NR3C2: variants seen among roughly 807,000 people sequenced by gnomAD.
The protein encoded by NR3C2 is mineralocorticoid receptor.
A neutral mutation model predicts 86.4 loss-of-function variants in NR3C2; 15 were observed. That is an observed-to-expected ratio of 0.17 (90% CI 0.12 to 0.27). The LOEUF (loss-of-function observed/expected upper bound fraction) is 0.27, where lower values mean the gene tolerates loss of function less well. Among genes scored for constraint, NR3C2 ranks in the 10% least tolerant of loss-of-function variants. The pLI is 1.00. For missense variants in NR3C2, 960 were observed against 1,195.6 expected (o/e 0.80, Z 2.91); for synonymous variants, 458 against 450.5 (o/e 1.02, Z -0.21).
chr4:148,219,411 G>T (rs1449169946), intron 3 of NR3C2, among the ~76,000 whole-genome samples: 1 of 152,294 alleles, frequency 6.6e-6, no homozygotes, highest in Non-Finnish European at 1.5e-5. Context: ...AAAATTAAAT[G>T]ATCTTTCATT....
intron 2 of NR3C2, among the ~76,000 whole-genome samples, chr4:148,366,990 G>C (rs1368782767): frequency 6.6e-6 from 1 of 152,096 alleles, no homozygotes; most frequent in African/African-American, 2.4e-5. Flanking sequence ...GGTATGCTAA[G>C]CCTGTATACT....
At chr4:148,357,725 G>T (rs1406669995) in intron 2 of NR3C2, among the ~76,000 whole-genome samples, 1 of 151,892 alleles carries the variant, frequency 6.6e-6, no homozygotes, top group Non-Finnish European at 1.5e-5. Flanking sequence ...ATATTATATT[G>T]ATTTTTCTGT....
At chr4:148,294,222 T>C (rs1296384856) in intron 2 of NR3C2, among the ~76,000 whole-genome samples, 1 of 152,140 alleles carries the variant, frequency 6.6e-6, no homozygotes, top group Non-Finnish European at 1.5e-5. Flanking sequence ...ATCTGCAAAA[T>C]GGGGACAGTA....
intron 3 of NR3C2, among the ~76,000 whole-genome samples, chr4:148,259,320 ATAAG>A (rs1739981006): frequency 6.6e-6 from 1 of 152,250 alleles, no homozygotes; most frequent in Admixed American, 6.5e-5. Flanking sequence ...CTAACTGCTT[ATAAG>A]TGAGGATGGG....
chr4:148,099,766 G>A (rs1416579045), intron 8 of NR3C2, among the ~76,000 whole-genome samples: 1 of 152,158 alleles, frequency 6.6e-6, no homozygotes, highest in Non-Finnish European at 1.5e-5. Flanking sequence ...CAATAAGATA[G>A]TTTCCCAAAA....
intron 8 of NR3C2, among the ~76,000 whole-genome samples, chr4:148,084,517 C>T (rs1730722278): frequency 6.6e-6 from 1 of 152,190 alleles, no homozygotes. Flanking sequence ...CTGAAGGAAG[C>T]GCTAGACATG....
chr4:148,440,696 C>CA (rs1442986461), intron 1 of NR3C2, among the ~76,000 whole-genome samples: 1 of 152,212 alleles, frequency 6.6e-6, no homozygotes, highest in African/African-American at 2.4e-5. Context: ...CATATGCTCT[C>CA]AAACACAAAA....
intron 2 of NR3C2, among the ~76,000 whole-genome samples, chr4:148,278,718 T>C (rs560777131): frequency 4.6e-5 from 7 of 152,138 alleles, no homozygotes; most frequent in Non-Finnish European, 1.0e-4. Context: ...TTAAGAAACT[T>C]TGGTGACAAA....
intron 2 of NR3C2, among the ~76,000 whole-genome samples, chr4:148,337,553 T>C (rs1744555741): frequency 6.6e-6 from 1 of 152,224 alleles, no homozygotes. Flanking sequence ...GTTTCAAATA[T>C]ATTTAACAAT....
chr4:148,441,418 C>T lies in NR3C2; in HGVS notation c.-3+742G>A, dbSNP rs546563635. On this transcript the variant is annotated intron_variant, in intron 1 of 8. Transcript: ENST00000358102. ...CAAAATGTTAGGAAGCAATTTGGTG[C>T]CTTTAAAATTCGGCGGTTTCAAAAG... 3.9e-5 allele frequency among the ~76,000 whole-genome samples: 6 copies of T among 152,298 alleles called. No homozygotes were observed. The East Asian group carries it at 9.6e-4, about 24-fold the overall frequency.
intron 6 of NR3C2, among the ~76,000 whole-genome samples, chr4:148,128,233 G>A (rs1040383636): frequency 7.9e-5 from 12 of 152,216 alleles, no homozygotes; most frequent in Middle Eastern, 3.4e-3. Context: ...TATGTCAACC[G>A]TGTTGCCCTA....
intron 2 of NR3C2, among the ~76,000 whole-genome samples, chr4:148,318,685 T>G (rs531513904): frequency 6.6e-6 from 1 of 152,120 alleles, no homozygotes; most frequent in Non-Finnish European, 1.5e-5. Flanking sequence ...TTATGAAAAG[T>G]GTCTGTTCAT....
intron 2 of NR3C2, among the ~76,000 whole-genome samples, chr4:148,413,737 C>T (rs1748839544): frequency 1.3e-5 from 2 of 152,026 alleles, no homozygotes; most frequent in African/African-American, 2.4e-5. Flanking sequence ...CCCAATTTTC[C>T]TGTAATGAGG....
intron 2 of NR3C2, among the ~76,000 whole-genome samples, chr4:148,419,814 C>A (rs1405585911): frequency 6.6e-6 from 1 of 152,142 alleles, no homozygotes; most frequent in Non-Finnish European, 1.5e-5. Flanking sequence ...CTGTTCTCCA[C>A]CAGCTCACAA....
At chr4:148,333,967 T>A (rs1042633876) in intron 2 of NR3C2, among the ~76,000 whole-genome samples, 1 of 152,308 alleles carries the variant, frequency 6.6e-6, no homozygotes, top group East Asian at 1.9e-4. Context: ...TAAAAATAAA[T>A]TTAAAATTTA....
intron 4 of NR3C2, among the ~76,000 whole-genome samples, chr4:148,170,165 T>C (rs568073264): frequency 6.6e-6 from 1 of 152,256 alleles, no homozygotes; most frequent in South Asian, 2.1e-4. Context: ...CCAGTAGCAA[T>C]CCCCAACCTC....
chr4:148,432,251 T>C (rs979029893), intron 2 of NR3C2, among the ~76,000 whole-genome samples: 5 of 152,148 alleles, frequency 3.3e-5, no homozygotes, highest in Non-Finnish European at 5.9e-5. Flanking sequence ...TTCAAGTACA[T>C]AGAGAAAATC....
chr4:148,081,315 A>C lies in NR3C2; in HGVS notation c.*29T>G. ...GGTGTGGAACAACACAGGGAAACTT[A>C]AGGCAAAGTTCTTCTGGGCAGCGGG... On this transcript the variant is annotated 3_prime_UTR_variant, in exon 9 of 9. Coordinates refer to ENST00000358102, the MANE Select transcript of NR3C2 (RefSeq NM_000901.5). 6.2e-7 allele frequency: 1 copy of C among 1,614,148 alleles called. No individual in the cohort carries two copies. Among genetic ancestry groups the C allele is most frequent in the Non-Finnish European group, 8.5e-7 (1 of 1,179,994 alleles).
At chr4:148,353,452 T>C (rs1745397768) in intron 2 of NR3C2, among the ~76,000 whole-genome samples, 1 of 152,092 alleles carries the variant, frequency 6.6e-6, no homozygotes, top group Admixed American at 6.6e-5. Flanking sequence ...CTTCCATATA[T>C]ACACACATAT....
Sources: gnomAD v4.1 joint callset for allele counts (sites outside exome capture counted in the v4.1 genomes callset) on GRCh38, gnomAD v4.1.1 for gene constraint, MANE v1.5 for transcripts, NCBI Gene and HGNC (gene_info 2026-07-23, HGNC 2026-07-21) for gene names.